Variants in BICD1 observed in about 807,000 individuals in gnomAD.
BICD1 encodes the protein BICD cargo adaptor 1, also known as protein bicaudal D homolog 1.
In BICD1, 35 loss-of-function variants were observed where a neutral mutation model predicts 92.5. The observed-to-expected ratio is 0.38, with a 90% CI of 0.29 to 0.50. The LOEUF (loss-of-function observed/expected upper bound fraction) is 0.50, where lower values mean the gene tolerates loss of function less well. Among genes scored for constraint, BICD1 ranks in the 20% least tolerant of loss-of-function variants. BICD1 has a pLI of 0.93. For missense variants in BICD1, 950 were observed against 1,189.8 expected, an observed-to-expected ratio of 0.80 and a Z score of 2.97; for synonymous variants, 429 against 465.1, an observed-to-expected ratio of 0.92 and a Z score of 1.00.
At chr12:32,318,168 T>C (rs1222621200) in intron 4 of BICD1, among the ~76,000 whole-genome samples, 1 of 152,124 alleles carries the variant, frequency 6.6e-6, no homozygotes, top group African/African-American at 2.4e-5. Context: ...TTTGTTCTTT[T>C]GGCTTAGGAT....
intron 1 of BICD1, 155 bp downstream of exon 1, chr12:32,107,699 T>C: frequency 1.1e-6 from 1 of 889,104 alleles, no homozygotes; most frequent in Non-Finnish European, 1.8e-6. Context: ...AAGAGTCCAT[T>C]GTTTCCTCCC....
chr12:32,235,558 GT>G (rs61449001), intron 2 of BICD1, among the ~76,000 whole-genome samples: 147,813 of 151,282 alleles, frequency 0.98, 72,223 homozygotes, highest in East Asian at 1. Flanking sequence ...GATATTGTGG[GT>G]TTTTTTTTTT....
intron 1 of BICD1, among the ~76,000 whole-genome samples, chr12:32,139,157 G>A (rs1434709538): frequency 6.6e-6 from 1 of 152,078 alleles, no homozygotes; most frequent in African/African-American, 2.4e-5. Context: ...AATTTAGGGG[G>A]CTGTCTGTTT....
chr12:32,332,862 CTT>C (rs904500208), intron 5 of BICD1: 114 of 985,122 alleles, frequency 1.2e-4, no homozygotes, highest in Non-Finnish European at 1.3e-4. Flanking sequence ...GGAAATAAGA[CTT>C]TTTTTATTTA....
intron 2 of BICD1, among the ~76,000 whole-genome samples, chr12:32,233,155 C>T (rs1945945260): frequency 6.6e-6 from 1 of 151,968 alleles, no homozygotes; most frequent in South Asian, 2.1e-4. Context: ...AACCCCATCG[C>T]TACTAAAAAT....
chr12:32,340,066 T>C lies in BICD1; in HGVS notation c.2764+1087T>C. On this transcript the variant is annotated intron_variant, in intron 8 of 9. Transcript: ENST00000652176. ...TCTCTCCTGGCCCCTCCTGTAGTCT[T>C]TGAGTTTGCCACCGTTGAAATAGAA... is the stretch of plus-strand genomic sequence containing the variant. 4.1e-6 allele frequency: 4 copies of C among 980,352 alleles called. No individual in the cohort carries two copies. The South Asian group carries it at 1.4e-4, about 35-fold the overall frequency. 60.7% of individuals were successfully genotyped at this position (980,352 alleles called of 1,614,324 possible). A position where few individuals can be genotyped will look rare whatever the true frequency, so the allele number is the denominator to read the frequency against.
intron 2 of BICD1, among the ~76,000 whole-genome samples, chr12:32,292,744 A>G (rs915611964): frequency 1.3e-5 from 2 of 152,168 alleles, no homozygotes; most frequent in South Asian, 2.1e-4. Flanking sequence ...TTTGGTTTCT[A>G]TGATACTTCT....
intron 5 of BICD1, among the ~76,000 whole-genome samples, chr12:32,333,934 G>A (rs1046271283): frequency 3.9e-5 from 6 of 152,164 alleles, no homozygotes; most frequent in African/African-American, 1.4e-4. Flanking sequence ...TGGACAAATT[G>A]TATGCAAATT....
intron 7 of BICD1, 94 bp from the exon 8 acceptor site, chr12:32,338,691 AG>A (rs1938232242): frequency 3.0e-6 from 3 of 1,007,228 alleles, no homozygotes; most frequent in South Asian, 3.3e-5. Context: ...ATTAAATGCC[AG>A]TATAAATAAT....
chr12:32,379,496 A>G lies in BICD1; in HGVS notation c.*1869A>G, dbSNP rs751044417. On this transcript the variant is annotated 3_prime_UTR_variant, in exon 10 of 10. Coordinates refer to ENST00000652176, the MANE Select transcript of BICD1 (RefSeq NM_001714.4). Reference sequence around the variant, plus strand: ...ACGATTCGACATGAAGTTCCCAACCATAGCAGCCTAACCTTCTGCTCTTTT... The same window carrying G: ...ACGATTCGACATGAAGTTCCCAACCGTAGCAGCCTAACCTTCTGCTCTTTT... 2 of 152,238 alleles carry G rather than the reference A, an allele frequency of 1.3e-5. No homozygotes were observed. Among genetic ancestry groups the G allele is most frequent in the Non-Finnish European group, 2.9e-5 (2 of 68,056 alleles). 9.4% of individuals were successfully genotyped at this position (152,238 alleles called of 1,614,324 possible).
Position 32,154,864 on chromosome 12 carries a change from A to G in BICD1, c.213+47320A>G, listed in dbSNP as rs137924682. On this transcript the variant is annotated intron_variant, in intron 1 of 9. Coordinates refer to ENST00000652176, the MANE Select transcript of BICD1 (RefSeq NM_001714.4). ...TAATCATACACTAAATGGTATCTTT[A>G]TTGATGGGTTGTCGATAAACCTCCT... Among the ~76,000 whole-genome samples, 281 of 152,322 alleles carry G rather than the reference A, an allele frequency of 1.8e-3. 1 individual carries two copies. Among genetic ancestry groups the G allele is most frequent in the African/African-American group, 6.3e-3 (263 of 41,576 alleles).
intron 1 of BICD1, among the ~76,000 whole-genome samples, chr12:32,170,506 T>TA (rs1943904363): frequency 6.6e-6 from 1 of 152,250 alleles, no homozygotes; most frequent in Non-Finnish European, 1.5e-5. Context: ...TGCATTGTAC[T>TA]CAACTCTTTA....
rs117407817 is a variant in BICD1 at position 32,194,981 on chromosome 12, T to C, written c.214-21266T>C. ...TACATTGAAAACTGTAAAATATTAA[T>C]GAAAGAAATTGAAGGCTGGGGCAGA... On this transcript the variant is annotated intron_variant, in intron 1 of 9. Transcript: ENST00000652176. 2.2e-3 allele frequency among the ~76,000 whole-genome samples: 324 copies of C among 150,682 alleles called. 8 individuals are homozygous for C. The East Asian group carries it at 0.052, about 24-fold the overall frequency.
intron 2 of BICD1, among the ~76,000 whole-genome samples, chr12:32,272,610 A>G (rs1273824782): frequency 6.6e-6 from 1 of 152,160 alleles, no homozygotes; most frequent in African/African-American, 2.4e-5. Context: ...CAGACTGACA[A>G]TAAAACTTGT....
intron 1 of BICD1, among the ~76,000 whole-genome samples, chr12:32,182,754 AAATC>A (rs1944312148): frequency 6.6e-6 from 1 of 151,812 alleles, no homozygotes; most frequent in Admixed American, 6.6e-5. Context: ...TGCTTTGAGA[AAATC>A]AAAGGGTTAG....
At chr12:32,270,848 A>T (rs1186050089) in intron 2 of BICD1, among the ~76,000 whole-genome samples, 1 of 152,198 alleles carries the variant, frequency 6.6e-6, no homozygotes, top group African/African-American at 2.4e-5. Flanking sequence ...TATATCTTTG[A>T]AAGGCCTTCT....
intron 1 of BICD1, among the ~76,000 whole-genome samples, chr12:32,137,345 T>A (rs1354140578): frequency 2.0e-5 from 3 of 152,164 alleles, no homozygotes; most frequent in Non-Finnish European, 4.4e-5. Flanking sequence ...TGCCTCGGCC[T>A]TTCAAAGTGC....
At position 32,216,275 on chromosome 12, in the gene BICD1, G is replaced by A. The variant is rs776799556; in HGVS notation, c.242G>A (p.Arg81Gln). 1.9e-6 allele frequency: 3 copies of A among 1,613,706 alleles called. No homozygotes were observed. The highest frequency in any genetic ancestry group is 1.1e-5 in the South Asian group (1 of 91,056). The change falls in exon 2 of 10, where the codon CGG becomes CAG. Residue 81 changes from arginine to glutamine, a missense_variant. Transcript: ENST00000652176. ...TTTGGGCAGTCCTTCTCCATCCACC[G>A]GAAGGTTGCTGAAGATGGAGAGACT... is the stretch of plus-strand genomic sequence containing the variant. Reference protein sequence around the residue: ...EAFGQSFSIHRKVAEDGETRE... With the variant: ...EAFGQSFSIHQKVAEDGETRE...
Position 32,328,246 on chromosome 12 carries a change from C to G in BICD1, c.1791C>G (p.Thr597=), listed in dbSNP as rs201956163. The change falls in exon 5 of 10, where the codon ACC becomes ACG. Residue 597 remains threonine (T), a synonymous_variant. Transcript: ENST00000652176. This position sits in a 1 kb window ranked among gnomAD's most constrained non-coding sequence, Gnocchi z 4.4. ...EASKEPSPTK[T]PTISPVITAP... is the part of the protein sequence containing the mutation. ...GCAAAGAACCAAGTCCAACTAAGAC[C>G]CCCACAATCTCTCCTGTTATTACTG... is the stretch of plus-strand genomic sequence containing the variant. 4.2e-5 allele frequency: 67 copies of G among 1,614,038 alleles called. No individual in the cohort carries two copies. The highest frequency in any genetic ancestry group is 5.2e-5 in the Non-Finnish European group (61 of 1,180,042).
Sources: allele counts gnomAD v4.1 joint callset (sites outside exome capture counted in the v4.1 genomes callset), GRCh38; gene constraint gnomAD v4.1.1; non-coding constraint Gnocchi (gnomAD v3.1); transcripts MANE v1.5; gene names NCBI Gene and HGNC (gene_info 2026-07-23, HGNC 2026-07-21).